Variants in CHMP2B observed in about 807,000 individuals in gnomAD.
CHMP2B encodes the protein charged multivesicular body protein 2B.
CHMP2B carries 22 observed loss-of-function variants against 29.8 expected under a neutral mutation model. The ratio of observed to expected loss-of-function variants is 0.74; its 90% CI spans 0.53 to 1.05. The LOEUF (loss-of-function observed/expected upper bound fraction) is 1.05. Among genes scored for constraint, CHMP2B ranks in the 50% least tolerant of loss-of-function variants. The pLI is 0.00. For missense variants in CHMP2B, 261 were observed against 252.2 expected (o/e 1.03, Z -0.24); for synonymous variants, 78 against 75.8 (o/e 1.03, Z -0.15).
intron 5 of CHMP2B, 97 bp from the exon 6 acceptor site, chr3:87,253,615 C>A: frequency 7.3e-7 from 1 of 1,366,010 alleles, no homozygotes; most frequent in Non-Finnish European, 1.0e-6. Flanking sequence ...ATTTCTGTTT[C>A]AAAAGTAAAT....
chr3:87,245,427 CTT>C (rs554311396), intron 2 of CHMP2B, among the ~76,000 whole-genome samples: 9 of 139,210 alleles, frequency 6.5e-5, no homozygotes, highest in African/African-American at 7.9e-5. Flanking sequence ...TTTGGATAGT[CTT>C]TTTTTTTTTT....
At chr3:87,228,074 T>C (rs1342778158) in intron 1 of CHMP2B, among the ~76,000 whole-genome samples, 2 of 152,180 alleles carry the variant, frequency 1.3e-5, no homozygotes, top group Non-Finnish European at 2.9e-5. Flanking sequence ...AAATGCTTTT[T>C]TGATTAACCC....
rs189927047 is a variant in CHMP2B at position 87,254,658 on chromosome 3, T to C, written c.*836T>C. The C allele has an allele frequency of 1.6e-4, 25 of 152,040 alleles. No individual in the cohort carries two copies. The East Asian group carries it at 4.6e-3, about 28-fold the overall frequency. The allele number at this position is 152,040 out of a possible 1,614,324, so 9.4% of individuals were successfully genotyped here. On this transcript the variant is annotated 3_prime_UTR_variant, in exon 6 of 6. Coordinates refer to ENST00000263780, the MANE Select transcript of CHMP2B (RefSeq NM_014043.4). ...GTCCCTTTGATGTCACTACTGTGAA[T>C]TGAATATAATTAGTAAAAATAGACG...
At chr3:87,243,485 ATAATGCTGGCCTAG>A (rs1350759028) in intron 2 of CHMP2B, among the ~76,000 whole-genome samples, 2 of 151,966 alleles carry the variant, frequency 1.3e-5, no homozygotes, top group East Asian at 1.9e-4. Flanking sequence ...TATCAGGGTA[ATAATGCTGGCCTAG>A]TAATGCTGGC....
At chr3:87,249,426 T>C (rs1305405103) in intron 3 of CHMP2B, among the ~76,000 whole-genome samples, 1 of 152,108 alleles carries the variant, frequency 6.6e-6, no homozygotes, top group Non-Finnish European at 1.5e-5. Flanking sequence ...TAAACCATGG[T>C]TTAAAATGTG....
In CHMP2B at chr3:87,253,771, A is replaced by T. The variant is rs909026967; in HGVS notation, c.591A>T (p.Thr197=). ...CATCTGCCTCTACTTCAAAGGCTAC[A>T]ATCTCAGATGAAGAGATTGAACGGC... The part of the protein sequence containing the change: ...SLPSASTSKA[T]ISDEEIERQL... Residue 197 remains threonine, a synonymous_variant, in exon 6 of 6, where the codon ACA becomes ACT. Transcript: ENST00000263780. The T allele has an allele frequency of 6.2e-7, 1 of 1,612,600 alleles. No homozygotes were observed. The highest frequency in any genetic ancestry group is 1.3e-5 in the African/African-American group (1 of 74,994).
intron 4 of CHMP2B, chr3:87,253,017 G>A (rs1006178046): frequency 8.2e-5 from 15 of 181,922 alleles, no homozygotes; most frequent in African/African-American, 2.2e-4. Flanking sequence ...AGAGTAAATC[G>A]TTTTCCAGAT....
At chr3:87,253,209 C>A in intron 4 of CHMP2B, 195 bp from the exon 5 acceptor site, 1 of 525,350 alleles carries the variant, frequency 1.9e-6, no homozygotes, top group Non-Finnish European at 3.5e-6. Context: ...TTGAAATGAA[C>A]ATTATTCCAG....
intron 2 of CHMP2B, among the ~76,000 whole-genome samples, chr3:87,244,123 T>A (rs1387155784): frequency 2.0e-5 from 3 of 150,408 alleles, no homozygotes; most frequent in African/African-American, 7.3e-5. Flanking sequence ...CTCAGCTCAC[T>A]GCAACCTCTG....
Position 87,247,482 on chromosome 3 carries a change from A to G in CHMP2B, c.321+1574A>G, listed in dbSNP as rs186048834. Among the ~76,000 whole-genome samples the G allele has an allele frequency of 2.5e-3, 378 of 152,310 alleles. 2 individuals are homozygous for G. The highest frequency in any genetic ancestry group is 8.7e-3 in the African/African-American group (362 of 41,568). On this transcript the variant is annotated intron_variant, in intron 3 of 5. Transcript: ENST00000263780. Reference sequence around the variant, plus strand: ...AAAGCACAAAAGTGAGAAAAATGTGACACTAAGTAAACTATGGAAAGGACA... The same window carrying G: ...AAAGCACAAAAGTGAGAAAAATGTGGCACTAAGTAAACTATGGAAAGGACA...
chr3:87,252,451 T>C (rs1171313849), intron 4 of CHMP2B, among the ~76,000 whole-genome samples: 1 of 151,868 alleles, frequency 6.6e-6, no homozygotes. Context: ...TCCTTCTTGC[T>C]TGTGTCCCTG....
intron 4 of CHMP2B, among the ~76,000 whole-genome samples, chr3:87,250,516 T>A (rs1291866034): frequency 6.6e-6 from 1 of 151,964 alleles, no homozygotes; most frequent in African/African-American, 2.4e-5. Context: ...TGTTTTTTTC[T>A]CATAATCTTG....
intron 3 of CHMP2B, among the ~76,000 whole-genome samples, 170 bp from the exon 4 acceptor site, chr3:87,249,705 A>G (rs1475870408): frequency 6.6e-6 from 1 of 152,086 alleles, no homozygotes; most frequent in South Asian, 2.1e-4. Context: ...GATGGTTTCC[A>G]AATGACTATT....
At chr3:87,228,235 C>G (rs569473137) in intron 1 of CHMP2B, among the ~76,000 whole-genome samples, 1 of 152,068 alleles carries the variant, frequency 6.6e-6, no homozygotes. Flanking sequence ...TGTGTTGTTT[C>G]CCGCATTTAG....
intron 1 of CHMP2B, among the ~76,000 whole-genome samples, chr3:87,234,886 A>G (rs554469513): frequency 6.6e-6 from 1 of 152,302 alleles, no homozygotes; most frequent in East Asian, 1.9e-4. Context: ...ACAGCCAATT[A>G]TTTCAATGTT....
chr3:87,231,050 G>T (rs377739517), intron 1 of CHMP2B, among the ~76,000 whole-genome samples: 1 of 150,646 alleles, frequency 6.6e-6, no homozygotes, highest in African/African-American at 2.4e-5. Flanking sequence ...GTTCTTCTTG[G>T]TTCCTTCCTA....
chr3:87,248,285 G>C (rs1706252280), intron 3 of CHMP2B, among the ~76,000 whole-genome samples: 1 of 151,488 alleles, frequency 6.6e-6, no homozygotes, highest in Admixed American at 6.6e-5. Flanking sequence ...GTGACAGAGA[G>C]AGAGACTGTC....
intron 3 of CHMP2B, among the ~76,000 whole-genome samples, chr3:87,249,248 G>A (rs550759689): frequency 3.3e-5 from 5 of 152,230 alleles, no homozygotes; most frequent in African/African-American, 4.8e-5. Context: ...GGCCACTGTC[G>A]TATATGCTGT....
chr3:87,253,330 G>T (rs776919650), intron 4 of CHMP2B, 74 bp from the exon 5 acceptor site: 18 of 870,520 alleles, frequency 2.1e-5, no homozygotes, highest in Non-Finnish European at 3.2e-5. Context: ...AGTTGGGCTA[G>T]ACTGTAAATA....
Sources: allele counts gnomAD v4.1 joint callset (sites outside exome capture counted in the v4.1 genomes callset), GRCh38; gene constraint gnomAD v4.1.1; transcripts MANE v1.5; gene names NCBI Gene and HGNC (gene_info 2026-07-23, HGNC 2026-07-21).